Variants in LDAH observed in about 807,000 individuals in gnomAD.
LDAH encodes the protein lipid droplet associated hydrolase.
LDAH carries 26 observed loss-of-function variants against 29.6 expected under a neutral mutation model. The observed-to-expected ratio is 0.88, with a 90% CI of 0.64 to 1.22. The LOEUF is 1.22. LDAH is among the 50% of genes most tolerant of loss of function. LDAH has a pLI of 0.00. For missense variants in LDAH, 344 were observed against 387.3 expected, an observed-to-expected ratio of 0.89 and a Z score of 0.94; for synonymous variants, 117 against 133.0, an observed-to-expected ratio of 0.88 and a Z score of 0.83.
intron 5 of LDAH, 89 bp downstream of exon 5, chr2:20,739,882 T>C (rs1416550744): frequency 9.1e-6 from 8 of 881,520 alleles, no homozygotes; most frequent in Non-Finnish European, 1.3e-5. Context: ...AAATAATTGC[T>C]TGCTTGATAT....
chr2:20,724,044 G>A (rs562625685), intron 5 of LDAH, among the ~76,000 whole-genome samples: 3 of 152,152 alleles, frequency 2.0e-5, no homozygotes, highest in Admixed American at 6.5e-5. Context: ...TGAAATAGCC[G>A]AGTGAGGGCT....
Position 20,685,467 on chromosome 2 carries a change from G to C in LDAH, c.*1436C>G. ...GGGCTAACAGCACTCCTTGTCTGGA[G>C]CTTGGCTTTTCCCCTCTGAGAAGTC... On this transcript the variant is annotated 3_prime_UTR_variant, in exon 7 of 7. Transcript: ENST00000237822. 3 of 1,510,830 alleles carry C rather than the reference G, an allele frequency of 2.0e-6. No homozygotes were observed. Among genetic ancestry groups the C allele is most frequent in the Non-Finnish European group, 2.7e-6 (3 of 1,127,416 alleles). The allele number at this position is 1,510,830 out of a possible 1,614,324, so 93.6% of individuals were successfully genotyped here.
chr2:20,745,878 G>A (rs547120421), intron 4 of LDAH, among the ~76,000 whole-genome samples: 2 of 152,306 alleles, frequency 1.3e-5, no homozygotes, highest in Non-Finnish European at 2.9e-5. Context: ...ATTGCTAGGG[G>A]TGGTGGGATA....
At chr2:20,807,657 C>T (rs1441262520) in intron 1 of LDAH, among the ~76,000 whole-genome samples, 1 of 151,646 alleles carries the variant, frequency 6.6e-6, no homozygotes, top group South Asian at 2.1e-4. Context: ...AAATTCTTAA[C>T]AAGTGAGAAA....
intron 3 of LDAH, among the ~76,000 whole-genome samples, chr2:20,782,717 C>T (rs573510981): frequency 6.6e-6 from 1 of 152,218 alleles, no homozygotes; most frequent in East Asian, 1.9e-4. Flanking sequence ...CTTTCTCCCC[C>T]CTTGGTTAGC....
At chr2:20,697,576 C>T (rs2149345339) in intron 6 of LDAH, among the ~76,000 whole-genome samples, 1 of 152,286 alleles carries the variant, frequency 6.6e-6, no homozygotes, top group East Asian at 1.9e-4. Context: ...TTGACTGTCA[C>T]CCTGTTACTC....
At chr2:20,811,239 C>G (rs1053113781) in intron 1 of LDAH, among the ~76,000 whole-genome samples, 1 of 151,752 alleles carries the variant, frequency 6.6e-6, no homozygotes, top group Admixed American at 6.6e-5. Context: ...AGGATGGTGT[C>G]GATCTCCTGA....
chr2:20,747,729 A>C (rs1667675534), intron 4 of LDAH, among the ~76,000 whole-genome samples: 1 of 152,230 alleles, frequency 6.6e-6, no homozygotes, highest in Non-Finnish European at 1.5e-5. Context: ...AAAGATAAGA[A>C]TATGCCTCGC....
chr2:20,692,173 T>C (rs1663083723), intron 6 of LDAH, among the ~76,000 whole-genome samples: 1 of 152,206 alleles, frequency 6.6e-6, no homozygotes, highest in African/African-American at 2.4e-5. Context: ...GTCTCTGCCC[T>C]GGAACAGCTC....
At chr2:20,790,151 A>G (rs1172203557) in intron 3 of LDAH, 104 bp downstream of exon 3, 2 of 1,227,540 alleles carry the variant, frequency 1.6e-6, no homozygotes, top group African/African-American at 1.5e-5. Context: ...GCCTAATGCC[A>G]CAAGCAGAGG....
chr2:20,732,870 T>C (rs917733026), intron 5 of LDAH, among the ~76,000 whole-genome samples: 24 of 151,092 alleles, frequency 1.6e-4, no homozygotes, highest in African/African-American at 5.1e-4. Context: ...TTGTTTTTGT[T>C]TTCAATTTTT....
At chr2:20,741,659 C>A (rs1667185361) in intron 4 of LDAH, among the ~76,000 whole-genome samples, 2 of 152,212 alleles carry the variant, frequency 1.3e-5, no homozygotes, top group African/African-American at 4.8e-5. Context: ...TAGTAACCAC[C>A]ATTCTACTCC....
chr2:20,730,727 C>T (rs1427716262), intron 5 of LDAH, among the ~76,000 whole-genome samples: 2 of 151,934 alleles, frequency 1.3e-5, no homozygotes, highest in Non-Finnish European at 2.9e-5. Context: ...TTCTCTCCTT[C>T]TCCTTCTCCT....
intron 3 of LDAH, among the ~76,000 whole-genome samples, 167 bp from the exon 4 acceptor site, chr2:20,775,146 A>G (rs1209134735): frequency 6.6e-6 from 1 of 152,186 alleles, no homozygotes; most frequent in Non-Finnish European, 1.5e-5. Context: ...TTTCACAACA[A>G]TTTTGGGAAG....
intron 1 of LDAH, among the ~76,000 whole-genome samples, chr2:20,817,950 G>A (rs541960212): frequency 6.6e-6 from 1 of 152,270 alleles, no homozygotes; most frequent in East Asian, 1.9e-4. Context: ...GTTGCCACGG[G>A]TTAGGGATAG....
rs1982734 is a variant in LDAH at position 20,792,720 on chromosome 2, G to A, written c.155-2322C>T. On this transcript the variant is annotated intron_variant, in intron 2 of 6. Transcript: ENST00000237822. ...GGTGTAACATTAAGGAGACACTAAA[G>A]ATAACCCCATGATTTAGATGTAAGT... Among the ~76,000 whole-genome samples, 776 of 152,174 alleles carry A rather than the reference G, an allele frequency of 5.1e-3. 6 individuals are homozygous for A. The highest frequency in any genetic ancestry group is 0.018 in the African/African-American group (735 of 41,534).
At chr2:20,731,151 A>G (rs561001663) in intron 5 of LDAH, among the ~76,000 whole-genome samples, 1 of 152,330 alleles carries the variant, frequency 6.6e-6, no homozygotes, top group East Asian at 1.9e-4. Context: ...GACATCTGAT[A>G]TGGTTTGGAT....
rs549408958 is a variant in LDAH at position 20,715,242 on chromosome 2, A to G, written c.704-13590T>C. 1.8e-4 allele frequency among the ~76,000 whole-genome samples: 27 copies of G among 152,376 alleles called. No homozygotes were observed. The South Asian group carries it at 5.2e-3, about 29-fold the overall frequency. ...TGTTTCAACATATGCAAATCAATAA[A>G]TGTAATCCATCGCATAAACAGAACC... On this transcript the variant is annotated intron_variant, in intron 5 of 6. Coordinates refer to ENST00000237822, the MANE Select transcript of LDAH (RefSeq NM_021925.4).
At chr2:20,744,223 ATT>A (rs3047719) in intron 4 of LDAH, among the ~76,000 whole-genome samples, 44,666 of 131,088 alleles carry the variant, frequency 0.34, 8,493 homozygotes, top group African/African-American at 0.6. Flanking sequence ...TTCTCCTCAG[ATT>A]TTTTTTTTTT....
Sources: allele counts gnomAD v4.1 joint callset (sites outside exome capture counted in the v4.1 genomes callset), GRCh38; gene constraint gnomAD v4.1.1; transcripts MANE v1.5; gene names NCBI Gene and HGNC (gene_info 2026-07-23, HGNC 2026-07-21).